The following RHEX variants were observed in gnomAD, a reference collection of about 807,000 sequenced individuals.
The protein encoded by RHEX is regulator of hemoglobinization and erythroid cell expansion, also known as regulator of hemoglobinization and erythroid cell expansion protein.
In RHEX, 18 loss-of-function variants were observed where a neutral mutation model predicts 20.1. The ratio of observed to expected loss-of-function variants is 0.90; its 90% CI spans 0.62 to 1.33. The LOEUF (loss-of-function observed/expected upper bound fraction) is 1.33. Ranked by LOEUF, RHEX falls within the 40% of genes most tolerant of loss-of-function variation. The pLI is 0.00. For missense variants in RHEX, 192 were observed against 214.3 expected, an observed-to-expected ratio of 0.90 and a Z score of 0.65; for synonymous variants, 87 against 77.1, an observed-to-expected ratio of 1.13 and a Z score of -0.67.
rs2102331032 is a variant in RHEX, at chr1:206,099,803, G to A, written c.256+5G>A. On this transcript the variant is annotated splice_donor_5th_base_variant and intron_variant, in intron 4 of 5. Transcript: ENST00000331555. ...TGTCTGATTCCCTTTACAGGCGTGA[G>A]TAAGGGGTTGGAGGGAGAACTTGTC... is the stretch of plus-strand genomic sequence containing the variant. The A allele has an allele frequency of 6.2e-7, 1 of 1,613,738 alleles. No individual in the cohort carries two copies. The highest frequency in any genetic ancestry group is 8.5e-7 in the Non-Finnish European group (1 of 1,179,734).
intron 1 of RHEX, among the ~76,000 whole-genome samples, chr1:206,091,526 T>C (rs1662950408): frequency 6.6e-6 from 1 of 152,230 alleles, no homozygotes; most frequent in Non-Finnish European, 1.5e-5. Flanking sequence ...CCAGTACATT[T>C]TGGCACTTTA....
chr1:206,059,310 G>T, intron 1 of RHEX, among the ~76,000 whole-genome samples: 1 of 152,284 alleles, frequency 6.6e-6, no homozygotes, highest in East Asian at 1.9e-4. Flanking sequence ...CACTCAGAAG[G>T]GAGACAGGGA....
chr1:206,056,780 G>A (rs1431529972), intron 1 of RHEX, among the ~76,000 whole-genome samples: 1 of 150,222 alleles, frequency 6.7e-6, no homozygotes, highest in Non-Finnish European at 1.5e-5. Flanking sequence ...ATGAGGATGT[G>A]GTTCTCTAAA....
intron 1 of RHEX, among the ~76,000 whole-genome samples, chr1:206,065,013 C>CA (rs1322085651): frequency 2.0e-5 from 3 of 152,070 alleles, no homozygotes; most frequent in Non-Finnish European, 2.9e-5. Flanking sequence ...GTGCTGTGTC[C>CA]ACTCAGAGTT....
At chr1:206,060,052 A>T (rs549939573) in intron 1 of RHEX, among the ~76,000 whole-genome samples, 4 of 152,124 alleles carry the variant, frequency 2.6e-5, no homozygotes, top group Non-Finnish European at 5.9e-5. Context: ...CTGGAGTGAA[A>T]CAATCACATG....
intron 1 of RHEX, among the ~76,000 whole-genome samples, chr1:206,094,430 G>T (rs782260399): frequency 9.2e-5 from 14 of 152,112 alleles, no homozygotes; most frequent in Admixed American, 2.0e-4. Context: ...AGTCACCATC[G>T]TGGTGGAGGA....
intron 1 of RHEX, among the ~76,000 whole-genome samples, chr1:206,065,886 A>ATCGGTTTT (rs1359039885): frequency 6.6e-6 from 1 of 152,218 alleles, no homozygotes; most frequent in Non-Finnish European, 1.5e-5. Context: ...GAACCCAATC[A>ATCGGTTTT]TCGGTTTTTC....
intron 1 of RHEX, among the ~76,000 whole-genome samples, chr1:206,073,907 C>A (rs1662583341): frequency 6.6e-6 from 1 of 152,192 alleles, no homozygotes; most frequent in African/African-American, 2.4e-5. Context: ...GACCAACTAG[C>A]CTTCAATGGG....
intron 1 of RHEX, among the ~76,000 whole-genome samples, chr1:206,071,013 A>C (rs1553284575): frequency 6.6e-6 from 1 of 152,232 alleles, no homozygotes; most frequent in Non-Finnish European, 1.5e-5. Context: ...GAATTTATTA[A>C]GGAGTATTGA....
At chr1:206,056,771 T>A (rs1331309052) in intron 1 of RHEX, among the ~76,000 whole-genome samples, 1 of 151,904 alleles carries the variant, frequency 6.6e-6, no homozygotes, top group Non-Finnish European at 1.5e-5. Context: ...GCAGCATGGA[T>A]GAGGATGTGG....
At chr1:206,076,466 C>T (rs1553285258) in intron 1 of RHEX, among the ~76,000 whole-genome samples, 1 of 152,202 alleles carries the variant, frequency 6.6e-6, no homozygotes, top group Non-Finnish European at 1.5e-5. Context: ...GCACCCAGCC[C>T]AGGGACATCT....
At chr1:206,060,092 C>G (rs975522674) in intron 1 of RHEX, among the ~76,000 whole-genome samples, 1 of 152,174 alleles carries the variant, frequency 6.6e-6, no homozygotes, top group African/African-American at 2.4e-5. Context: ...TGTATGAACA[C>G]ACGACTTAAA....
intron 1 of RHEX, among the ~76,000 whole-genome samples, chr1:206,074,981 A>G (rs1553285061): frequency 6.6e-6 from 1 of 152,238 alleles, no homozygotes; most frequent in African/African-American, 2.4e-5. Flanking sequence ...AATGCCCCAC[A>G]GGGGGCCAAA....
chr1:206,096,779 T>C (rs200629585), intron 1 of RHEX, among the ~76,000 whole-genome samples: 2 of 134,536 alleles, frequency 1.5e-5, no homozygotes, highest in Admixed American at 1.4e-4. Flanking sequence ...TTTTTTTTTT[T>C]GGTTTTTTTT....
At chr1:206,071,031 G>T in intron 1 of RHEX, among the ~76,000 whole-genome samples, 1 of 152,250 alleles carries the variant, frequency 6.6e-6, no homozygotes, top group South Asian at 2.1e-4. Context: ...TGACTCACAC[G>T]ATCACAAGGT....
At chr1:206,058,788 G>A (rs543793284) in intron 1 of RHEX, among the ~76,000 whole-genome samples, 7 of 152,092 alleles carry the variant, frequency 4.6e-5, no homozygotes, top group South Asian at 2.1e-4. Context: ...TAAAAGGGAC[G>A]GAAATTGTGC....
chr1:206,064,029 C>A (rs1298236065), intron 1 of RHEX, among the ~76,000 whole-genome samples: 2 of 149,114 alleles, frequency 1.3e-5, no homozygotes, highest in Non-Finnish European at 3.0e-5. Context: ...ATGTGGGGAG[C>A]GCCTTTGCCC....
chr1:206,058,971 C>T (rs1662253720), intron 1 of RHEX, among the ~76,000 whole-genome samples: 1 of 152,110 alleles, frequency 6.6e-6, no homozygotes, highest in Non-Finnish European at 1.5e-5. Flanking sequence ...CTTGCTCCTA[C>T]CCACCTCCTC....
intron 1 of RHEX, among the ~76,000 whole-genome samples, chr1:206,086,851 TA>T (rs1662850609): frequency 6.7e-6 from 1 of 150,306 alleles, no homozygotes; most frequent in African/African-American, 2.5e-5. Context: ...TCTCAAAAAT[TA>T]AAAAATTAGC....
Sources: gnomAD v4.1 joint callset for allele counts (sites outside exome capture counted in the v4.1 genomes callset) on GRCh38, gnomAD v4.1.1 for gene constraint, MANE v1.5 for transcripts, NCBI Gene and HGNC (gene_info 2026-07-23, HGNC 2026-07-21) for gene names.